The following TMTC2 variants were observed in gnomAD, a reference collection of about 807,000 sequenced individuals.
TMTC2 encodes protein O-mannosyl-transferase TMTC2.
In TMTC2, 43 loss-of-function variants were observed where a neutral mutation model predicts 82.4. The observed-to-expected ratio is 0.52, with a 90% CI of 0.41 to 0.67. The LOEUF is 0.67. TMTC2 is among the 30% of genes least tolerant of loss of function. The pLI, the probability that TMTC2 is intolerant of heterozygous loss-of-function variation, is 0.00. For missense variants in TMTC2, 919 were observed against 1,012.4 expected, an observed-to-expected ratio of 0.91 and a Z score of 1.25; for synonymous variants, 408 against 381.9, an observed-to-expected ratio of 1.07 and a Z score of -0.80.
rs559139943 is a variant in TMTC2, at chr12:82,978,729, C to T, written c.1949-7196C>T. Among the ~76,000 whole-genome samples the T allele has an allele frequency of 7.2e-5, 11 of 151,790 alleles. No individual in the cohort carries two copies. In the South Asian group the frequency reaches 1.7e-3, roughly 23 times the overall value. ...ATTTGCTCTATAGTGCCAATTAAGT[C>T]GTCTTTCTTTGTTGACTTTCTATTT... is the stretch of plus-strand genomic sequence containing the variant. On this transcript the variant is annotated intron_variant, in intron 7 of 11. Coordinates refer to ENST00000321196, the MANE Select transcript of TMTC2 (RefSeq NM_152588.3).
intron 1 of TMTC2, among the ~76,000 whole-genome samples, chr12:82,740,928 C>T (rs778092306): frequency 6.6e-6 from 1 of 152,208 alleles, no homozygotes; most frequent in Non-Finnish European, 1.5e-5. Flanking sequence ...AACTCGAGCA[C>T]AACATAGCCA....
intron 8 of TMTC2, among the ~76,000 whole-genome samples, chr12:83,029,233 GCAGACAGCATGTGGC>G (rs1167984755): frequency 6.6e-6 from 1 of 152,136 alleles, no homozygotes; most frequent in Non-Finnish European, 1.5e-5. Flanking sequence ...CCCACAGCCT[GCAGACAGCATGTGGC>G]CCAGGACAGC....
chr12:83,116,373 T>C (rs1172732314), intron 11 of TMTC2, among the ~76,000 whole-genome samples: 1 of 152,226 alleles, frequency 6.6e-6, no homozygotes, highest in African/African-American at 2.4e-5. Flanking sequence ...GTTTTTGCAA[T>C]TGCAAATTGT....
chr12:82,996,475 C>G lies in TMTC2; in HGVS notation c.2070+10429C>G, dbSNP rs78204556. On this transcript the variant is annotated intron_variant, in intron 8 of 11. Coordinates refer to ENST00000321196, the MANE Select transcript of TMTC2 (RefSeq NM_152588.3). ...AAAAGGCTTAAAATTGCAGGACTCT[C>G]ATTTGTACAACATAATTGAGGCTCT... is the stretch of plus-strand genomic sequence containing the variant. 7.9e-5 allele frequency among the ~76,000 whole-genome samples: 12 copies of G among 152,322 alleles called. No individual in the cohort carries two copies. In the East Asian group the frequency reaches 2.3e-3, roughly 29 times the overall value.
intron 11 of TMTC2, among the ~76,000 whole-genome samples, chr12:83,067,021 T>C (rs2137481348): frequency 6.6e-6 from 1 of 151,910 alleles, no homozygotes; most frequent in Admixed American, 6.6e-5. Flanking sequence ...ACATCAACAA[T>C]GGAGGGAATA....
intron 1 of TMTC2, among the ~76,000 whole-genome samples, chr12:82,713,003 C>T (rs562283822): frequency 1.9e-4 from 29 of 152,028 alleles, no homozygotes; most frequent in African/African-American, 2.7e-4. Context: ...TAGAACTTGG[C>T]GATGATGTGA....
chr12:83,029,997 A>C (rs946555406), intron 8 of TMTC2, among the ~76,000 whole-genome samples: 3 of 152,150 alleles, frequency 2.0e-5, no homozygotes, highest in Admixed American at 6.5e-5. Context: ...GATTGCAGCA[A>C]GGATAAATAG....
chr12:82,764,231 G>A (rs961336821), intron 1 of TMTC2, among the ~76,000 whole-genome samples: 8 of 152,048 alleles, frequency 5.3e-5, no homozygotes, highest in Admixed American at 1.3e-4. Flanking sequence ...TCCGCCTCCC[G>A]GGTTCAAGCT....
chr12:83,057,733 C>T (rs1479441205), intron 10 of TMTC2, among the ~76,000 whole-genome samples: 1 of 151,764 alleles, frequency 6.6e-6, no homozygotes, highest in Non-Finnish European at 1.5e-5. Context: ...AAAAAATGCT[C>T]ATAAGCTATT....
intron 3 of TMTC2, among the ~76,000 whole-genome samples, chr12:82,901,246 AAT>A (rs1278009485): frequency 7.2e-6 from 1 of 138,592 alleles, no homozygotes; most frequent in Non-Finnish European, 1.5e-5. Flanking sequence ...TATATATAGG[AAT>A]ATATATATAT....
At chr12:82,820,162 T>C (rs1869003131) in intron 1 of TMTC2, among the ~76,000 whole-genome samples, 1 of 152,168 alleles carries the variant, frequency 6.6e-6, no homozygotes. Flanking sequence ...GCTTTTATTC[T>C]GGCTGTGCTG....
intron 3 of TMTC2, among the ~76,000 whole-genome samples, chr12:82,911,102 T>C (rs1244792723): frequency 1.3e-5 from 2 of 152,068 alleles, no homozygotes; most frequent in Non-Finnish European, 2.9e-5. Flanking sequence ...GGATGGTCTC[T>C]ATCTCCTGAC....
chr12:82,985,694 T>C (rs1264904232), intron 7 of TMTC2, among the ~76,000 whole-genome samples: 1 of 152,226 alleles, frequency 6.6e-6, no homozygotes. Flanking sequence ...TTACTACTTA[T>C]TAAATTTTTT....
chr12:82,837,230 C>T (rs569348528), intron 1 of TMTC2, among the ~76,000 whole-genome samples: 67 of 152,198 alleles, frequency 4.4e-4, no homozygotes, highest in African/African-American at 1.4e-3. Context: ...CCATCTACTG[C>T]GGACCAGTTG....
intron 11 of TMTC2, among the ~76,000 whole-genome samples, chr12:83,086,167 T>G (rs1296248319): frequency 6.6e-6 from 1 of 152,152 alleles, no homozygotes; most frequent in South Asian, 2.1e-4. Context: ...CCTGGAGGGT[T>G]GCACGGTGGC....
intron 1 of TMTC2, among the ~76,000 whole-genome samples, chr12:82,764,684 G>A (rs76562694): frequency 0.016 from 2,369 of 152,122 alleles, 47 homozygotes; most frequent in African/African-American, 0.055. Flanking sequence ...AGGACACCAC[G>A]CCGGGGAGAC....
At chr12:83,001,106 C>T (rs1204432692) in intron 8 of TMTC2, among the ~76,000 whole-genome samples, 1 of 152,152 alleles carries the variant, frequency 6.6e-6, no homozygotes, top group African/African-American at 2.4e-5. Flanking sequence ...CCACAAAGGT[C>T]TCTGACACGC....
chr12:82,839,502 T>C (rs1241888090), intron 1 of TMTC2, among the ~76,000 whole-genome samples: 1 of 152,178 alleles, frequency 6.6e-6, no homozygotes, highest in Non-Finnish European at 1.5e-5. Context: ...GAGGGCACTT[T>C]CAAGTATTAT....
intron 10 of TMTC2, among the ~76,000 whole-genome samples, chr12:83,054,504 G>A (rs1375835093): frequency 6.6e-6 from 1 of 151,586 alleles, no homozygotes; most frequent in Non-Finnish European, 1.5e-5. Flanking sequence ...GAACTCACAT[G>A]CATAATTATA....
Sources: allele counts gnomAD v4.1 joint callset (sites outside exome capture counted in the v4.1 genomes callset), GRCh38; gene constraint gnomAD v4.1.1; transcripts MANE v1.5; gene names NCBI Gene and HGNC (gene_info 2026-07-23, HGNC 2026-07-21).